The following EGFLAM variants were observed in gnomAD, a reference collection of about 807,000 sequenced individuals.
EGFLAM encodes EGF like, fibronectin type III and laminin G domains, also known as pikachurin.
EGFLAM carries 79 observed loss-of-function variants against 113.1 expected under a neutral mutation model. The observed-to-expected ratio is 0.70, with a 90% CI of 0.58 to 0.84. EGFLAM has a LOEUF of 0.84. EGFLAM is among the 40% of genes least tolerant of loss of function. The pLI, the probability that EGFLAM is intolerant of heterozygous loss-of-function variation, is 0.00. For synonymous variants in EGFLAM, 504 were observed against 487.6 expected (o/e 1.03, Z -0.44); for missense variants, 1,265 against 1,291.6 (o/e 0.98, Z 0.32).
intron 18 of EGFLAM, among the ~76,000 whole-genome samples, chr5:38,450,437 G>A (rs1187852312): frequency 6.6e-6 from 1 of 152,216 alleles, no homozygotes; most frequent in Non-Finnish European, 1.5e-5. Context: ...GGACACTGCA[G>A]ACACAGACCC....
intron 12 of EGFLAM, among the ~76,000 whole-genome samples, chr5:38,418,981 C>T (rs1741744147): frequency 6.6e-6 from 1 of 152,162 alleles, no homozygotes; most frequent in Admixed American, 6.5e-5. Flanking sequence ...TTAATTTTCT[C>T]ACAGTTCTGG....
chr5:38,387,586 A>G (rs879524540), intron 6 of EGFLAM, among the ~76,000 whole-genome samples: 2 of 152,250 alleles, frequency 1.3e-5, no homozygotes, highest in Non-Finnish European at 2.9e-5. Context: ...TTATTCTGAC[A>G]GTGAATTCTC....
At chr5:38,318,891 G>T (rs555493938) in intron 1 of EGFLAM, among the ~76,000 whole-genome samples, 20 of 152,204 alleles carry the variant, frequency 1.3e-4, no homozygotes, top group African/African-American at 4.8e-4. Flanking sequence ...ATCTAGCAGT[G>T]AGCCAGAGGA....
At chr5:38,362,893 G>C (rs936832034) in intron 5 of EGFLAM, among the ~76,000 whole-genome samples, 4 of 152,130 alleles carry the variant, frequency 2.6e-5, no homozygotes, top group African/African-American at 9.7e-5. Flanking sequence ...TATAATTCCT[G>C]CTTAGACTGA....
rs1462293638 is a variant in EGFLAM at position 38,407,066 on chromosome 5, G to A, written c.1067G>A (p.Ser356Asn). ...GATGAAACTCTCTGCTCTGCTGACA[G>A]CTTCTGTGTCAATGACTACACCTGG... is the stretch of plus-strand genomic sequence containing the variant. ...PCDETLCSAD[S>N]FCVNDYTWGG... Residue 356 changes from serine (S) to asparagine (N), a missense_variant, in exon 8 of 22, where the codon AGC (serine) becomes AAC (asparagine). Ser to Asn is a conservative substitution (Grantham distance 46, BLOSUM62 1). Coordinates refer to ENST00000322350, the MANE Select transcript of EGFLAM (RefSeq NM_152403.4). 1.2e-6 allele frequency: 2 copies of A among 1,614,168 alleles called. No homozygotes were observed. Among genetic ancestry groups the A allele is most frequent in the Non-Finnish European group, 1.7e-6 (2 of 1,180,036 alleles).
chr5:38,320,896 A>T (rs1053498165), intron 1 of EGFLAM, among the ~76,000 whole-genome samples: 1 of 152,126 alleles, frequency 6.6e-6, no homozygotes, highest in South Asian at 2.1e-4. Flanking sequence ...AGGAACTCCT[A>T]GTAAGGACTG....
chr5:38,401,572 T>C (rs1001315503), intron 6 of EGFLAM, among the ~76,000 whole-genome samples: 1 of 152,036 alleles, frequency 6.6e-6, no homozygotes, highest in Non-Finnish European at 1.5e-5. Context: ...GTTTTCGGGG[T>C]CTTTGGATTG....
At chr5:38,351,768 A>G (rs999033221) in intron 4 of EGFLAM, among the ~76,000 whole-genome samples, 1 of 152,174 alleles carries the variant, frequency 6.6e-6, no homozygotes, top group Admixed American at 6.5e-5. Flanking sequence ...ATTGGCAGTG[A>G]TCCTAAGCAT....
chr5:38,288,344 T>C (rs772054943), intron 1 of EGFLAM, among the ~76,000 whole-genome samples: 10 of 152,146 alleles, frequency 6.6e-5, no homozygotes, highest in Non-Finnish European at 1.0e-4. Context: ...GAAAGAAAGG[T>C]GGTCAGTTTC....
At chr5:38,316,291 T>A (rs2111877413) in intron 1 of EGFLAM, among the ~76,000 whole-genome samples, 1 of 152,166 alleles carries the variant, frequency 6.6e-6, no homozygotes, top group African/African-American at 2.4e-5. Flanking sequence ...GGAGTGTGAT[T>A]CTTCACCAGC....
chr5:38,307,903 G>A (rs1163330303), intron 1 of EGFLAM, among the ~76,000 whole-genome samples: 2 of 152,190 alleles, frequency 1.3e-5, no homozygotes, highest in African/African-American at 4.8e-5. Flanking sequence ...TGAGGGGTGG[G>A]CATGGCTTTC....
intron 1 of EGFLAM, among the ~76,000 whole-genome samples, chr5:38,262,200 C>T (rs994205159): frequency 2.6e-5 from 4 of 152,332 alleles, no homozygotes; most frequent in Middle Eastern, 3.4e-3. Context: ...TCACCTGAGT[C>T]TCACCAGAAA....
At chr5:38,340,684 G>A (rs1279406525) in intron 3 of EGFLAM, among the ~76,000 whole-genome samples, 2 of 152,146 alleles carry the variant, frequency 1.3e-5, no homozygotes, top group African/African-American at 2.4e-5. Context: ...GTGAAAGTTG[G>A]GACTGAGGAC....
intron 6 of EGFLAM, among the ~76,000 whole-genome samples, chr5:38,376,434 T>C (rs973186214): frequency 1.3e-5 from 2 of 152,228 alleles, no homozygotes; most frequent in Admixed American, 6.5e-5. Context: ...TCTAGGATAC[T>C]ATCCTCATGA....
At chr5:38,339,562 T>A (rs569742784) in intron 3 of EGFLAM, among the ~76,000 whole-genome samples, 80 of 152,376 alleles carry the variant, frequency 5.3e-4, no homozygotes, top group African/African-American at 1.8e-3. Context: ...TTATTGAGCA[T>A]CTGTTACCTG....
intron 18 of EGFLAM, among the ~76,000 whole-genome samples, chr5:38,449,217 A>G (rs1742825756): frequency 6.6e-6 from 1 of 151,990 alleles, no homozygotes; most frequent in Admixed American, 6.6e-5. Context: ...GCATCTTAAC[A>G]CACAAGGGCA....
chr5:38,426,581 A>G (rs1742016762), intron 13 of EGFLAM, among the ~76,000 whole-genome samples: 1 of 152,176 alleles, frequency 6.6e-6, no homozygotes, highest in African/African-American at 2.4e-5. Flanking sequence ...ATACCAGCTC[A>G]TATTTCAGTA....
At chr5:38,350,786 G>A (rs1174089730) in intron 4 of EGFLAM, among the ~76,000 whole-genome samples, 168 bp downstream of exon 4, 1 of 152,196 alleles carries the variant, frequency 6.6e-6, no homozygotes, top group Non-Finnish European at 1.5e-5. Context: ...ACTTAGTGGG[G>A]TGAGTCTAGA....
intron 20 of EGFLAM, 75 bp from the exon 21 acceptor site, chr5:38,462,833 T>C (rs1204455176): frequency 1.3e-6 from 2 of 1,500,896 alleles, no homozygotes; most frequent in Non-Finnish European, 1.8e-6. Context: ...TACATTTGTA[T>C]TGAAATGAAT....
Sources: gnomAD v4.1 joint callset for allele counts (sites outside exome capture counted in the v4.1 genomes callset) on GRCh38, gnomAD v4.1.1 for gene constraint, MANE v1.5 for transcripts, NCBI Gene and HGNC (gene_info 2026-07-23, HGNC 2026-07-21) for gene names.